The following NRDE2 variants were observed in gnomAD, a reference collection of about 807,000 sequenced individuals.
NRDE2 encodes the protein NRDE-2, necessary for RNA interference, domain containing, also known as nuclear exosome regulator NRDE2.
NRDE2 carries 76 observed loss-of-function variants against 124.2 expected under a neutral mutation model. The observed-to-expected ratio is 0.61, with a 90% confidence interval of 0.51 to 0.74. NRDE2 has a LOEUF of 0.74. Ranked by LOEUF, NRDE2 falls within the 30% of genes least tolerant of loss-of-function variation. NRDE2 has a pLI of 0.00. For missense variants in NRDE2, 1,314 were observed against 1,417.3 expected, an observed-to-expected ratio of 0.93 and a Z score of 1.17; for synonymous variants, 489 against 528.1, an observed-to-expected ratio of 0.93 and a Z score of 1.01.
At position 90,273,231 on chromosome 14, in the gene NRDE2, AT is replaced by A. The variant is rs1258759519; in HGVS notation, c.*5104del. ...AGGAGTGTGTATTAGTTTTCTGTTA[AT>A]ACTATAACAAGTTACCACAGGCTTT... On this transcript the variant is annotated 3_prime_UTR_variant, in exon 14 of 14. Coordinates refer to ENST00000354366, the MANE Select transcript of NRDE2 (RefSeq NM_017970.4). 2.7e-5 allele frequency: 4 copies of A among 146,690 alleles called. No homozygotes were observed. The highest frequency in any genetic ancestry group is 6.2e-5 in the Non-Finnish European group (4 of 64,648). 9.1% of individuals were successfully genotyped at this position (146,690 alleles called of 1,614,324 possible).
chr14:90,327,342 G>C (rs1017643584), intron 1 of NRDE2, among the ~76,000 whole-genome samples: 2 of 152,286 alleles, frequency 1.3e-5, no homozygotes, highest in Admixed American at 1.3e-4. Context: ...TTGAGGCCAG[G>C]AGTTCAAGAT....
chr14:90,297,360 G>A (rs567335757), intron 8 of NRDE2, among the ~76,000 whole-genome samples: 219 of 151,830 alleles, frequency 1.4e-3, no homozygotes, highest in African/African-American at 5.1e-3. Flanking sequence ...ACTAGATTAA[G>A]TAAAATACAC....
intron 1 of NRDE2, among the ~76,000 whole-genome samples, chr14:90,326,548 G>A (rs1885448082): frequency 6.7e-6 from 1 of 150,362 alleles, no homozygotes; most frequent in Non-Finnish European, 1.5e-5. Flanking sequence ...TGCTCTTATA[G>A]AAGGGAGGGA....
intron 12 of NRDE2, among the ~76,000 whole-genome samples, chr14:90,285,709 T>C (rs191025569): frequency 6.6e-6 from 1 of 152,268 alleles, no homozygotes; most frequent in African/African-American, 2.4e-5. Flanking sequence ...CATAGCTCAC[T>C]GCCACCTCAA....
intron 1 of NRDE2, among the ~76,000 whole-genome samples, chr14:90,325,162 T>C (rs1013884431): frequency 1.3e-5 from 2 of 152,292 alleles, no homozygotes; most frequent in African/African-American, 4.8e-5. Context: ...ATTTTTTGAT[T>C]TGTGGACACG....
rs1891633430 is a variant in NRDE2, at chr14:90,270,499, G to A, written c.*7837C>T. 2.3e-6 allele frequency: 2 copies of A among 877,032 alleles called. No homozygotes were observed. The highest frequency in any genetic ancestry group is 5.5e-5 in the East Asian group (2 of 36,638). 54.3% of individuals were successfully genotyped at this position (877,032 alleles called of 1,614,324 possible). A position where few individuals can be genotyped will look rare whatever the true frequency, so the allele number is the denominator to read the frequency against. The stretch of plus-strand genomic sequence containing the variant: ...TATTGGTTTACGATTACATCCAAAT[G>A]GTATATGTGCTTGATATTGAAGTCA... On this transcript the variant is annotated 3_prime_UTR_variant, in exon 14 of 14. Coordinates refer to ENST00000354366, the MANE Select transcript of NRDE2 (RefSeq NM_017970.4).
In NRDE2 at chr14:90,292,781, G is replaced by A. The variant is rs745795746; in HGVS notation, c.1758C>T (p.Ser586=). The change falls in exon 9 of 14, where the codon TCC becomes TCT. Residue 586 remains serine (S), a synonymous_variant. Coordinates refer to ENST00000354366, the MANE Select transcript of NRDE2 (RefSeq NM_017970.4). The part of the protein sequence containing the change: ...RWQIWLAAER[S]RDQRHWRPWR... The stretch of plus-strand genomic sequence containing the variant: ...AGGGCCGCCAGTGCCTCTGGTCACG[G>A]GAACGCTCAGCAGCAAGCCAGATCT... 6.2e-7 allele frequency: 1 copy of A among 1,614,086 alleles called. No individual in the cohort carries two copies. Among genetic ancestry groups the A allele is most frequent in the East Asian group, 2.2e-5 (1 of 44,894 alleles).
intron 12 of NRDE2, among the ~76,000 whole-genome samples, chr14:90,285,220 G>A (rs1358647787): frequency 1.4e-5 from 2 of 139,600 alleles, no homozygotes; most frequent in East Asian, 4.4e-4. Flanking sequence ...GCAGTGAGCC[G>A]AGATCCCACT....
At chr14:90,314,399 A>C (rs1327419300) in intron 3 of NRDE2, among the ~76,000 whole-genome samples, 1 of 152,210 alleles carries the variant, frequency 6.6e-6, no homozygotes, top group African/African-American at 2.4e-5. Context: ...AAGACAGTAA[A>C]AGAGAAGGAC....
intron 1 of NRDE2, among the ~76,000 whole-genome samples, chr14:90,321,886 C>T (rs28755863): frequency 0.033 from 5,097 of 152,208 alleles, 259 homozygotes; most frequent in African/African-American, 0.12. Flanking sequence ...ACAGAAAAGG[C>T]AGGGATGCTC....
chr14:90,286,475 ATC>A lies in NRDE2; in HGVS notation c.3174_3175del (p.Glu1058AspfsTer7). 1 of 1,613,450 alleles carries A rather than the reference ATC, an allele frequency of 6.2e-7. No homozygotes were observed. On this transcript the variant is annotated frameshift_variant, in exon 12 of 14. Transcript: ENST00000354366. LOFTEE classifies it high-confidence loss of function. ...GCCGGTCTCAGGAATTGTGGCGTGG[ATC>A]TCTCTACCGTCTAACCTGCAAGGCA...
In NRDE2 at chr14:90,270,432, G is replaced by C; in HGVS notation, c.*7904C>G. Reference sequence around the variant, plus strand: ...AGAGTCTATATGTGCTCTTGGGATGGTGGTTGGCCTGGACAGGTGGGTGTC... The same window carrying C: ...AGAGTCTATATGTGCTCTTGGGATGCTGGTTGGCCTGGACAGGTGGGTGTC... On this transcript the variant is annotated 3_prime_UTR_variant, in exon 14 of 14. Transcript: ENST00000354366. 1 of 1,483,824 alleles carries C rather than the reference G, an allele frequency of 6.7e-7. No individual in the cohort carries two copies. The highest frequency in any genetic ancestry group is 9.0e-7 in the Non-Finnish European group (1 of 1,108,686). 91.9% of individuals were successfully genotyped at this position (1,483,824 alleles called of 1,614,324 possible).
chr14:90,303,745 C>T (rs575363724), intron 5 of NRDE2, among the ~76,000 whole-genome samples, 190 bp downstream of exon 5: 8 of 152,334 alleles, frequency 5.3e-5, no homozygotes, highest in Non-Finnish European at 1.0e-4. Context: ...CCAGGGTGCA[C>T]TTATTCTTCG....
intron 4 of NRDE2, among the ~76,000 whole-genome samples, chr14:90,311,022 AG>A (rs1884816707): frequency 6.6e-6 from 1 of 152,246 alleles, no homozygotes; most frequent in Admixed American, 6.5e-5. Context: ...CTCATTGGGA[AG>A]GAAATTTTAG....
chr14:90,290,561 T>C lies in NRDE2; in HGVS notation c.1889A>G (p.His630Arg). 1 of 1,613,572 alleles carries C rather than the reference T, an allele frequency of 6.2e-7. No homozygotes were observed. The highest frequency in any genetic ancestry group is 1.3e-5 in the African/African-American group (1 of 74,998). ...IGQSLIRLSSHDLQFQLVEAF... is the reference protein window; with the variant it reads ...IGQSLIRLSSRDLQFQLVEAF... ...CTCCACCAGCTGGAACTGAAGATCA[T>C]GGCTGGAAAGTCTGATCAAAGATTG... The change falls in exon 10 of 14, where the codon CAT becomes CGT. Residue 630 changes from histidine to arginine, a missense_variant. Coordinates refer to ENST00000354366, the MANE Select transcript of NRDE2 (RefSeq NM_017970.4).
intron 13 of NRDE2, 186 bp downstream of exon 13, chr14:90,278,876 C>T: frequency 3.1e-6 from 2 of 654,778 alleles, no homozygotes; most frequent in Non-Finnish European, 5.6e-6. Flanking sequence ...CAGGTAGGGC[C>T]AGGCTCTGAC....
In NRDE2 at chr14:90,289,033, C is replaced by T. The variant is rs777908634; in HGVS notation, c.2342G>A (p.Cys781Tyr). The T allele has an allele frequency of 3.0e-5, 48 of 1,614,028 alleles. No individual in the cohort carries two copies. Among genetic ancestry groups the T allele is most frequent in the Non-Finnish European group, 3.8e-5 (45 of 1,180,006 alleles). ...CAGATGTGCATACTGCTTCCACAGG[C>T]AAAAGTTGTTGCAGTTTTCTGGCTC... ...LKEPENCNNF[C>Y]LWKQYAHLEW... The change falls in exon 11 of 14, where the codon TGC becomes TAC. Residue 781 changes from cysteine (C) to tyrosine (Y), a missense_variant. Cys to Tyr is a radical substitution (Grantham distance 194). Coordinates refer to ENST00000354366, the MANE Select transcript of NRDE2 (RefSeq NM_017970.4).
At chr14:90,327,150 C>A (rs28408665) in intron 1 of NRDE2, among the ~76,000 whole-genome samples, 2,378 of 152,274 alleles carry the variant, frequency 0.016, 51 homozygotes, top group African/African-American at 0.054. Flanking sequence ...CTAAAAGAAA[C>A]CAGGATTCCC....
intron 7 of NRDE2, among the ~76,000 whole-genome samples, chr14:90,299,392 A>G (rs1042997044): frequency 3.9e-5 from 3 of 76,744 alleles, no homozygotes; most frequent in Non-Finnish European, 5.7e-5. Flanking sequence ...CACCTCCCTC[A>G]TTCATTCGAG....
Sources: gnomAD v4.1 joint callset for allele counts (sites outside exome capture counted in the v4.1 genomes callset) on GRCh38, gnomAD v4.1.1 for gene constraint, MANE v1.5 for transcripts, NCBI Gene and HGNC (gene_info 2026-07-23, HGNC 2026-07-21) for gene names.